LRMDA: variants seen among roughly 807,000 people sequenced by gnomAD.
LRMDA encodes leucine-rich melanocyte differentiation-associated protein.
A neutral mutation model predicts 29.8 loss-of-function variants in LRMDA; 18 were observed. That is an observed-to-expected ratio of 0.60 (90% CI 0.42 to 0.90). LRMDA has a LOEUF of 0.90. Ranked by LOEUF, LRMDA falls within the 40% of genes least tolerant of loss-of-function variation. The probability of loss-of-function intolerance (pLI) is 0.00; values close to 1 mark genes in which losing one functional copy is unlikely to be tolerated. For missense variants in LRMDA, 273 were observed against 273.9 expected, an observed-to-expected ratio of 1.00 and a Z score of 0.02; for synonymous variants, 125 against 109.4, an observed-to-expected ratio of 1.14 and a Z score of -0.89.
chr10:76,467,395 C>T (rs374368363), intron 6 of LRMDA, among the ~76,000 whole-genome samples: 16 of 152,326 alleles, frequency 1.1e-4, no homozygotes, highest in East Asian at 3.9e-4. Context: ...CTGGTGGAAA[C>T]GCCATGTTGT....
chr10:75,599,413 C>T lies in LRMDA; in HGVS notation c.131+160919C>T, dbSNP rs550080626. On this transcript the variant is annotated intron_variant, in intron 2 of 6. Transcript: ENST00000611255. ...AGGTGTCCTGGTTCTGACCGTCATT[C>T]GGATCAAACAGCCGCCAAGCTGGTG... Among the ~76,000 whole-genome samples the T allele has an allele frequency of 3.2e-4, 49 of 152,262 alleles. 1 individual carries two copies. Among genetic ancestry groups the T allele is most frequent in the African/African-American group, 7.0e-4 (29 of 41,546 alleles).
intron 2 of LRMDA, chr10:75,742,739 T>C (rs771885188): frequency 1.3e-5 from 2 of 152,170 alleles, no homozygotes; most frequent in Non-Finnish European, 2.9e-5. Flanking sequence ...AGCCTTCACA[T>C]TGAGATTATC....
chr10:75,798,948 A>C (rs1037802856), intron 2 of LRMDA, among the ~76,000 whole-genome samples: 4 of 152,222 alleles, frequency 2.6e-5, no homozygotes, highest in African/African-American at 9.6e-5. Flanking sequence ...TTTAATTATC[A>C]TTATGGCATA....
At chr10:75,706,152 A>G (rs1444227944) in intron 2 of LRMDA, among the ~76,000 whole-genome samples, 1 of 152,132 alleles carries the variant, frequency 6.6e-6, no homozygotes, top group Non-Finnish European at 1.5e-5. Context: ...AAGACTGCAT[A>G]CTATTCTATC....
intron 2 of LRMDA, among the ~76,000 whole-genome samples, chr10:75,498,344 CACAG>C (rs1166133325): frequency 1.3e-5 from 2 of 152,166 alleles, no homozygotes; most frequent in African/African-American, 4.8e-5. Flanking sequence ...TATAGATACC[CACAG>C]TCACTTGTGA....
At chr10:76,090,191 C>G (rs879876521) in intron 5 of LRMDA, among the ~76,000 whole-genome samples, 1 of 152,172 alleles carries the variant, frequency 6.6e-6, no homozygotes, top group Non-Finnish European at 1.5e-5. Context: ...AGTGAGGACC[C>G]AGGCGCCATT....
chr10:75,698,845 A>G (rs1046114454), intron 2 of LRMDA, among the ~76,000 whole-genome samples: 1 of 152,184 alleles, frequency 6.6e-6, no homozygotes, highest in African/African-American at 2.4e-5. Context: ...ATGTCATGAG[A>G]AAGAATTTGC....
rs1841589984 is a variant in LRMDA at position 76,381,373 on chromosome 10, G to A, written c.601+56888G>A. Among the ~76,000 whole-genome samples the A allele has an allele frequency of 2.0e-5, 3 of 152,042 alleles. No individual in the cohort carries two copies. In the South Asian group the frequency reaches 6.2e-4, roughly 32 times the overall value. The stretch of plus-strand genomic sequence containing the variant: ...GGTGCTAATTGAAAAAAGGAGAATT[G>A]ACAATAGTCCATATATATCACCAAT... On this transcript the variant is annotated intron_variant, in intron 6 of 6. Transcript: ENST00000611255.
At chr10:75,807,842 C>G (rs1427166244) in intron 2 of LRMDA, among the ~76,000 whole-genome samples, 2 of 152,112 alleles carry the variant, frequency 1.3e-5, no homozygotes, top group Non-Finnish European at 2.9e-5. Flanking sequence ...TTCCCTGCAG[C>G]CTTCAAGTTG....
intron 2 of LRMDA, among the ~76,000 whole-genome samples, chr10:75,562,441 G>T (rs570198062): frequency 1.3e-5 from 2 of 151,988 alleles, no homozygotes; most frequent in Non-Finnish European, 2.9e-5. Context: ...ACGTGAGATG[G>T]GTTTCCTGAA....
At chr10:75,724,753 G>A (rs926872269) in intron 2 of LRMDA, among the ~76,000 whole-genome samples, 12 of 152,156 alleles carry the variant, frequency 7.9e-5, no homozygotes, top group Non-Finnish European at 7.3e-5. Context: ...AATTATATTG[G>A]AGAAGTTCCA....
At chr10:75,699,481 G>C (rs1412027654) in intron 2 of LRMDA, among the ~76,000 whole-genome samples, 7 of 152,222 alleles carry the variant, frequency 4.6e-5, no homozygotes, top group Middle Eastern at 6.8e-3. Flanking sequence ...CATTAAAAAA[G>C]TCTGCCCAAA....
At chr10:75,974,798 A>C (rs1188310288) in intron 2 of LRMDA, among the ~76,000 whole-genome samples, 1 of 152,214 alleles carries the variant, frequency 6.6e-6, no homozygotes, top group African/African-American at 2.4e-5. Flanking sequence ...CATGCTTGGC[A>C]TAATACCTGG....
chr10:76,123,880 GAATT>G (rs1271210127), intron 5 of LRMDA, among the ~76,000 whole-genome samples: 1 of 152,200 alleles, frequency 6.6e-6, no homozygotes, highest in Non-Finnish European at 1.5e-5. Context: ...TTTGCAGAAT[GAATT>G]AATAACTGGT....
chr10:76,378,858 C>CTTTTTTTT (rs144037195), intron 6 of LRMDA, among the ~76,000 whole-genome samples: 4 of 118,964 alleles, frequency 3.4e-5, no homozygotes, highest in Non-Finnish European at 4.9e-5. Flanking sequence ...CTTTTTTTTT[C>CTTTTTTTT]TTTTTTTTTT....
At chr10:76,100,837 C>A (rs1308876430) in intron 5 of LRMDA, among the ~76,000 whole-genome samples, 3 of 152,046 alleles carry the variant, frequency 2.0e-5, no homozygotes, top group Admixed American at 6.5e-5. Flanking sequence ...TCCCTGTACC[C>A]TAGTCCTGCC....
At chr10:75,948,835 T>A (rs1195182043) in intron 2 of LRMDA, among the ~76,000 whole-genome samples, 6 of 152,074 alleles carry the variant, frequency 3.9e-5, no homozygotes, top group African/African-American at 1.4e-4. Context: ...CGGTTGGTGA[T>A]ATAGCCTTGC....
intron 5 of LRMDA, among the ~76,000 whole-genome samples, chr10:76,188,263 A>G (rs1851182962): frequency 6.6e-6 from 1 of 152,208 alleles, no homozygotes; most frequent in Non-Finnish European, 1.5e-5. Context: ...TGGGATTATG[A>G]TAGCACTCTG....
chr10:76,329,380 CCTA>C (rs1420371795), intron 6 of LRMDA, among the ~76,000 whole-genome samples: 2 of 152,164 alleles, frequency 1.3e-5, no homozygotes, highest in African/African-American at 4.8e-5. Context: ...TAATTGCAAG[CCTA>C]GTGAATGTCC....
Sources: allele counts gnomAD v4.1 joint callset (sites outside exome capture counted in the v4.1 genomes callset), GRCh38; gene constraint gnomAD v4.1.1; transcripts MANE v1.5; gene names NCBI Gene and HGNC (gene_info 2026-07-23, HGNC 2026-07-21).